The following GRID1 variants were observed in gnomAD, a reference collection of about 807,000 sequenced individuals.
GRID1 encodes glutamate ionotropic receptor delta type subunit 1.
GRID1 carries 28 observed loss-of-function variants against 98.0 expected under a neutral mutation model. The ratio of observed to expected loss-of-function variants is 0.29; its 90% CI spans 0.21 to 0.39. The LOEUF (loss-of-function observed/expected upper bound fraction) is 0.39, where lower values mean the gene tolerates loss of function less well. Among genes scored for constraint, GRID1 ranks in the 10% least tolerant of loss-of-function variants. GRID1 has a pLI of 1.00. For missense variants in GRID1, 1,111 were observed against 1,340.5 expected, an observed-to-expected ratio of 0.83 and a Z score of 2.67; for synonymous variants, 553 against 538.5, an observed-to-expected ratio of 1.03 and a Z score of -0.37.
At chr10:85,831,679 A>G (rs1333193579) in intron 8 of GRID1, among the ~76,000 whole-genome samples, 3 of 152,144 alleles carry the variant, frequency 2.0e-5, no homozygotes, top group African/African-American at 7.2e-5. Flanking sequence ...AAAAACTTCT[A>G]TGCTTGGAAA....
At chr10:85,880,578 C>T (rs1840991847) in intron 5 of GRID1, among the ~76,000 whole-genome samples, 2 of 151,894 alleles carry the variant, frequency 1.3e-5, no homozygotes, top group Admixed American at 1.3e-4. Flanking sequence ...AACAACCCTT[C>T]ATGCTAAAAA....
At chr10:85,839,716 A>T (rs779374817) in intron 8 of GRID1, among the ~76,000 whole-genome samples, 5 of 152,182 alleles carry the variant, frequency 3.3e-5, no homozygotes, top group Non-Finnish European at 4.4e-5. Flanking sequence ...AAAGAACTAG[A>T]GAACCAAAAG....
chr10:85,667,332 GAGA>G (rs1244962616), intron 12 of GRID1, among the ~76,000 whole-genome samples: 2 of 152,194 alleles, frequency 1.3e-5, no homozygotes, highest in African/African-American at 4.8e-5. Context: ...GAGAGAGAGA[GAGA>G]GAGAGAGAGA....
At chr10:86,154,033 C>T (rs1845208634) in intron 3 of GRID1, among the ~76,000 whole-genome samples, 1 of 152,212 alleles carries the variant, frequency 6.6e-6, no homozygotes, top group South Asian at 2.1e-4. Flanking sequence ...CACAGGCCGC[C>T]GGAAGGCCCT....
rs1325965310 is a variant in GRID1, at chr10:85,939,491, C to T, written c.727-23252G>A. Among the ~76,000 whole-genome samples, 5 of 152,038 alleles carry T rather than the reference C, an allele frequency of 3.3e-5. No homozygotes were observed. In the East Asian group the frequency reaches 7.8e-4, roughly 24 times the overall value. On this transcript the variant is annotated intron_variant, in intron 4 of 15. Coordinates refer to ENST00000327946, the MANE Select transcript of GRID1 (RefSeq NM_017551.3). ...CTAGGATAGAGTGTGCTTCTTTGCCCTTTCCAACTTCTAGAAGCCACTCTC... is the reference window on the plus strand; with the variant it reads ...CTAGGATAGAGTGTGCTTCTTTGCCTTTTCCAACTTCTAGAAGCCACTCTC...
intron 3 of GRID1, among the ~76,000 whole-genome samples, chr10:86,153,903 G>T (rs1306810573): frequency 1.3e-5 from 2 of 152,130 alleles, no homozygotes. Flanking sequence ...GGGAGGCAGG[G>T]TATTATCTTA....
chr10:86,222,950 C>G (rs996640314), intron 2 of GRID1, among the ~76,000 whole-genome samples: 1 of 152,138 alleles, frequency 6.6e-6, no homozygotes, highest in Non-Finnish European at 1.5e-5. Context: ...GCATCCCCCC[C>G]TCCACAGCAA....
intron 8 of GRID1, among the ~76,000 whole-genome samples, chr10:85,851,764 T>C (rs370997198): frequency 1.1e-4 from 17 of 152,118 alleles, no homozygotes; most frequent in Admixed American, 6.5e-4. Flanking sequence ...AGCAGCTGTG[T>C]ACCTTGCATG....
chr10:86,080,597 A>G (rs556368085), intron 4 of GRID1, among the ~76,000 whole-genome samples: 1 of 152,156 alleles, frequency 6.6e-6, no homozygotes, highest in East Asian at 1.9e-4. Context: ...GGCCCCCAGG[A>G]GCAACATCTG....
At chr10:86,243,060 G>A (rs975589652) in intron 2 of GRID1, among the ~76,000 whole-genome samples, 1 of 151,936 alleles carries the variant, frequency 6.6e-6, no homozygotes, top group Non-Finnish European at 1.5e-5. Flanking sequence ...TCCCAGGATG[G>A]GTGTGAAGAT....
chr10:85,771,070 G>A (rs1842260317), intron 8 of GRID1, among the ~76,000 whole-genome samples: 1 of 152,202 alleles, frequency 6.6e-6, no homozygotes, highest in Non-Finnish European at 1.5e-5. Context: ...GGCAGCCAGA[G>A]AGAAAGGTCG....
At chr10:86,018,517 C>T (rs748480988) in intron 4 of GRID1, among the ~76,000 whole-genome samples, 2 of 152,228 alleles carry the variant, frequency 1.3e-5, no homozygotes, top group African/African-American at 2.4e-5. Flanking sequence ...TCTCTCACTC[C>T]AACAAGTCCT....
At chr10:86,109,206 C>A (rs1263958697) in intron 4 of GRID1, among the ~76,000 whole-genome samples, 1 of 152,208 alleles carries the variant, frequency 6.6e-6, no homozygotes, top group Non-Finnish European at 1.5e-5. Context: ...CCAAAACAAC[C>A]ATTCCCTTAA....
chr10:85,717,866 G>A (rs980652604), intron 12 of GRID1, among the ~76,000 whole-genome samples: 1 of 152,066 alleles, frequency 6.6e-6, no homozygotes, highest in Non-Finnish European at 1.5e-5. Context: ...GGGAGAAATT[G>A]GCCACAACAA....
intron 8 of GRID1, among the ~76,000 whole-genome samples, chr10:85,748,694 C>T (rs1021003503): frequency 2.0e-5 from 3 of 152,084 alleles, no homozygotes; most frequent in African/African-American, 4.8e-5. Context: ...ATGCTCTAAT[C>T]GCTTTGAAAT....
rs538117956 is a variant in GRID1, at chr10:85,682,993, C to A, written c.1998-35596G>T. On this transcript the variant is annotated intron_variant, in intron 12 of 15. Coordinates refer to ENST00000327946, the MANE Select transcript of GRID1 (RefSeq NM_017551.3). ...ATGTGAAGAACATCCTACATTTCTA[C>A]TTTTGTTGTTGTTGTTTTTGTTTTT... Among the ~76,000 whole-genome samples, 3 of 152,306 alleles carry A rather than the reference C, an allele frequency of 2.0e-5. No individual in the cohort carries two copies. The South Asian group carries it at 6.2e-4, about 32-fold the overall frequency.
chr10:85,730,855 A>C (rs920760303), intron 8 of GRID1, among the ~76,000 whole-genome samples: 2 of 152,112 alleles, frequency 1.3e-5, no homozygotes, highest in African/African-American at 4.8e-5. Context: ...CTCCCAGGTG[A>C]TGCTGCTGCT....
At chr10:85,769,918 G>A (rs564720422) in intron 8 of GRID1, among the ~76,000 whole-genome samples, 364 of 152,284 alleles carry the variant, frequency 2.4e-3, no homozygotes, top group Non-Finnish European at 3.9e-3. Flanking sequence ...ACAAAAACAC[G>A]GCAGTAACCT....
chr10:86,112,690 G>A (rs1364453209), intron 4 of GRID1, among the ~76,000 whole-genome samples: 7 of 152,156 alleles, frequency 4.6e-5, no homozygotes, highest in African/African-American at 9.7e-5. Flanking sequence ...TAATGAGGAC[G>A]GGCCTTCTCC....
Sources: allele counts gnomAD v4.1 joint callset (sites outside exome capture counted in the v4.1 genomes callset), GRCh38; gene constraint gnomAD v4.1.1; transcripts MANE v1.5; gene names NCBI Gene and HGNC (gene_info 2026-07-23, HGNC 2026-07-21).